The following TSPAN9 variants were observed in gnomAD, a reference collection of about 807,000 sequenced individuals.
TSPAN9 encodes the protein tetraspanin-9.
A neutral mutation model predicts 31.0 loss-of-function variants in TSPAN9; 16 were observed. The observed-to-expected ratio is 0.52, with a 90% CI of 0.35 to 0.78. TSPAN9 has a LOEUF of 0.78. TSPAN9 is among the 30% of genes least tolerant of loss of function. The pLI is 0.01. For synonymous variants in TSPAN9, 145 were observed against 121.6 expected (o/e 1.19, Z -1.27); for missense variants, 272 against 312.5 (o/e 0.87, Z 0.98).
intron 2 of TSPAN9, among the ~76,000 whole-genome samples, chr12:3,140,460 G>A (rs1353596274): frequency 3.3e-5 from 5 of 152,178 alleles, no homozygotes; most frequent in Admixed American, 2.0e-4. Context: ...GAAATAGAAA[G>A]CCTGGCACTG....
In TSPAN9 at chr12:3,107,136, C is replaced by T. The variant is rs760999811; in HGVS notation, c.-18+23417C>T. Reference sequence around the variant, plus strand: ...GCCACCGCAGAGCACGAAATCATCACGGGGCTGTGGAAATCCAATTAGACT... The same window carrying T: ...GCCACCGCAGAGCACGAAATCATCATGGGGCTGTGGAAATCCAATTAGACT... On this transcript the variant is annotated intron_variant, in intron 2 of 8. Coordinates refer to ENST00000011898, the MANE Select transcript of TSPAN9 (RefSeq NM_006675.5). The surrounding 1 kb of genome is among the most constrained non-coding windows in gnomAD (Gnocchi z 4.1). Among the ~76,000 whole-genome samples, 1 of 152,210 alleles carries T rather than the reference C, an allele frequency of 6.6e-6. No homozygotes were observed. Among genetic ancestry groups the T allele is most frequent in the Admixed American group, 6.5e-5 (1 of 15,272 alleles).
At chr12:3,190,254 C>G (rs1300305240) in intron 2 of TSPAN9, among the ~76,000 whole-genome samples, 1 of 152,212 alleles carries the variant, frequency 6.6e-6, no homozygotes, top group Non-Finnish European at 1.5e-5. Flanking sequence ...AGTCAGCACC[C>G]TCTGTGGAGT....
At chr12:3,152,736 A>G (rs111262354) in intron 2 of TSPAN9, among the ~76,000 whole-genome samples, 11,729 of 152,190 alleles carry the variant, frequency 0.077, 475 homozygotes, top group Non-Finnish European at 0.093. Flanking sequence ...ACAAATGCCT[A>G]CCACTATGCC....
chr12:3,097,812 A>G lies in TSPAN9; in HGVS notation c.-18+14093A>G, dbSNP rs528604978. On this transcript the variant is annotated intron_variant, in intron 2 of 8. Transcript: ENST00000011898. ...TTCAATTTCTCTATCCTTCTCCCAC[A>G]TCAGGCTAGGGACAGCTCTGATCTC... Among the ~76,000 whole-genome samples, 45 of 152,316 alleles carry G rather than the reference A, an allele frequency of 3.0e-4. No homozygotes were observed. The South Asian group carries it at 8.7e-3, about 29-fold the overall frequency.
intron 3 of TSPAN9, among the ~76,000 whole-genome samples, chr12:3,202,080 G>T (rs2153973105): frequency 6.6e-6 from 1 of 152,366 alleles, no homozygotes; most frequent in Non-Finnish European, 1.5e-5. Context: ...GCTGGGAATT[G>T]CTCTCTGTCC....
chr12:3,213,218 G>A (rs900729644), intron 3 of TSPAN9, among the ~76,000 whole-genome samples: 1 of 152,188 alleles, frequency 6.6e-6, no homozygotes, highest in Non-Finnish European at 1.5e-5. Flanking sequence ...AACCTGGGGA[G>A]TCTGTCTGCA....
chr12:3,274,582 G>A (rs73256360), intron 3 of TSPAN9, among the ~76,000 whole-genome samples: 2 of 152,240 alleles, frequency 1.3e-5, no homozygotes, highest in East Asian at 3.9e-4. Context: ...GGTAGTGAAG[G>A]CTTCTGCACC....
At chr12:3,191,129 G>A (rs1221822229) in intron 2 of TSPAN9, among the ~76,000 whole-genome samples, 1 of 152,122 alleles carries the variant, frequency 6.6e-6, no homozygotes, top group Admixed American at 6.6e-5. Flanking sequence ...CAGTGCAAAG[G>A]CCAGGGGATG....
chr12:3,215,032 G>C (rs781455326), intron 3 of TSPAN9, among the ~76,000 whole-genome samples: 1 of 151,826 alleles, frequency 6.6e-6, no homozygotes, highest in Non-Finnish European at 1.5e-5. Flanking sequence ...CCTGGCCTGC[G>C]CTCCCACCTG....
intron 2 of TSPAN9, among the ~76,000 whole-genome samples, chr12:3,188,840 C>T (rs1031081602): frequency 6.6e-6 from 1 of 151,986 alleles, no homozygotes; most frequent in Non-Finnish European, 1.5e-5. Context: ...CCCAGATAGG[C>T]CGAGGGCAGT....
Position 3,272,551 on chromosome 12 carries a change from C to T in TSPAN9, c.64-5870C>T, listed in dbSNP as rs570131815. Among the ~76,000 whole-genome samples, 4 of 151,938 alleles carry T rather than the reference C, an allele frequency of 2.6e-5. No individual in the cohort carries two copies. In the East Asian group the frequency reaches 5.8e-4, roughly 22 times the overall value. ...GATTACAGGCATGAGCCACTGCGCCCGGCCGTGTGTGTGTGTTTAGTGAGG... is the reference window on the plus strand; with the variant it reads ...GATTACAGGCATGAGCCACTGCGCCTGGCCGTGTGTGTGTGTTTAGTGAGG... On this transcript the variant is annotated intron_variant, in intron 3 of 8. Coordinates refer to ENST00000011898, the MANE Select transcript of TSPAN9 (RefSeq NM_006675.5).
At chr12:3,148,909 C>T (rs554728344) in intron 2 of TSPAN9, among the ~76,000 whole-genome samples, 52 of 152,258 alleles carry the variant, frequency 3.4e-4, no homozygotes, top group African/African-American at 1.3e-3. Context: ...GGGGGCCTCT[C>T]GGGCGTGCCT....
intron 3 of TSPAN9, among the ~76,000 whole-genome samples, chr12:3,258,358 C>G (rs928186663): frequency 6.6e-6 from 1 of 152,102 alleles, no homozygotes; most frequent in African/African-American, 2.4e-5. Flanking sequence ...TCCTTTCCAT[C>G]CAGGGATATA....
In TSPAN9 at chr12:3,147,549, C is replaced by T. The variant is rs533625211; in HGVS notation, c.-17-53628C>T. On this transcript the variant is annotated intron_variant, in intron 2 of 8. Coordinates refer to ENST00000011898, the MANE Select transcript of TSPAN9 (RefSeq NM_006675.5). This position sits in a 1 kb window ranked among gnomAD's most constrained non-coding sequence, Gnocchi z 4.3. ...TTGAGCCACCTAGGGCCTGTTCTGCCCCCGAAGAGAGAGAACCAGCCAGCC... is the reference window on the plus strand; with the variant it reads ...TTGAGCCACCTAGGGCCTGTTCTGCTCCCGAAGAGAGAGAACCAGCCAGCC... Among the ~76,000 whole-genome samples, 4 of 152,260 alleles carry T rather than the reference C, an allele frequency of 2.6e-5. No individual in the cohort carries two copies. Among genetic ancestry groups the T allele is most frequent in the Admixed American group, 6.5e-5 (1 of 15,288 alleles).
intron 2 of TSPAN9, among the ~76,000 whole-genome samples, chr12:3,161,001 A>T (rs1162411610): frequency 3.3e-5 from 5 of 152,176 alleles, no homozygotes; most frequent in Non-Finnish European, 7.4e-5. Context: ...CAGGTGGATC[A>T]TCTGAGTTTG....
At chr12:3,245,799 C>G (rs1037952868) in intron 3 of TSPAN9, among the ~76,000 whole-genome samples, 1 of 152,268 alleles carries the variant, frequency 6.6e-6, no homozygotes. Flanking sequence ...TTTTTGGTAA[C>G]TGGTGGAGGT....
chr12:3,117,586 C>T (rs1036384840), intron 2 of TSPAN9, among the ~76,000 whole-genome samples: 23 of 152,248 alleles, frequency 1.5e-4, no homozygotes, highest in African/African-American at 4.8e-4. Flanking sequence ...AGCTCTGCCC[C>T]GGGGCAGGCA....
At chr12:3,131,794 A>G (rs1203207202) in intron 2 of TSPAN9, among the ~76,000 whole-genome samples, 1 of 152,172 alleles carries the variant, frequency 6.6e-6, no homozygotes, top group Non-Finnish European at 1.5e-5. Flanking sequence ...TACAAAATAT[A>G]TCATTATAAC....
chr12:3,079,272 T>A (rs1348617028), intron 1 of TSPAN9, among the ~76,000 whole-genome samples: 2 of 151,586 alleles, frequency 1.3e-5, no homozygotes, highest in Middle Eastern at 3.5e-3. Flanking sequence ...AGCCACCGCA[T>A]TGGCTGAAGT....
Sources: gnomAD v4.1 joint callset for allele counts (sites outside exome capture counted in the v4.1 genomes callset) on GRCh38, gnomAD v4.1.1 for gene constraint, Gnocchi (gnomAD v3.1) non-coding constraint, MANE v1.5 for transcripts, NCBI Gene and HGNC (gene_info 2026-07-23, HGNC 2026-07-21) for gene names.